Variants in CEP290 observed in about 807,000 individuals in gnomAD.
CEP290 encodes centrosomal protein 290.
CEP290 carries 317 observed loss-of-function variants against 344.9 expected under a neutral mutation model. The observed-to-expected ratio is 0.92, with a 90% CI of 0.84 to 1.01. The LOEUF (loss-of-function observed/expected upper bound fraction) is 1.01. Among genes scored for constraint, CEP290 ranks in the 50% least tolerant of loss-of-function variants. The probability of loss-of-function intolerance (pLI) is 0.00; values close to 1 mark genes in which losing one functional copy is unlikely to be tolerated. For missense variants in CEP290, 2,754 were observed against 2,761.4 expected (o/e 1.00, Z 0.06); for synonymous variants, 932 against 895.8 (o/e 1.04, Z -0.72).
At position 88,080,320 on chromosome 12, in the gene CEP290, C is replaced by A; in HGVS notation, c.5088G>T (p.Gln1696His). The change falls in exon 38 of 54, where the codon CAG becomes CAT. Residue 1696 changes from glutamine (Q) to histidine (H), a missense_variant. Gln to His is a conservative substitution (Grantham distance 24). Transcript: ENST00000552810. ...EVEDLKYLLD[Q>H]SQKESQCLKS... ...TTAAACACTGTGACTCCTTTTGTGA[C>A]TGGTCCAGAAGATACTTTAAATCCT... is the stretch of plus-strand genomic sequence containing the variant. 1 of 1,613,830 alleles carries A rather than the reference C, an allele frequency of 6.2e-7. No individual in the cohort carries two copies.
chr12:88,056,761 T>C lies in CEP290; in HGVS notation c.6819-1044A>G, dbSNP rs548497647. Among the ~76,000 whole-genome samples, 4 of 152,308 alleles carry C rather than the reference T, an allele frequency of 2.6e-5. No homozygotes were observed. The South Asian group carries it at 6.2e-4, about 24-fold the overall frequency. ...TGTTGAATAAATAATAAAGCAACTA[T>C]AAAGATGTCAGCATGAGCAAGACCT... On this transcript the variant is annotated intron_variant, in intron 49 of 53. Coordinates refer to ENST00000552810, the MANE Select transcript of CEP290 (RefSeq NM_025114.4).
At chr12:88,053,577 C>CAA in intron 52 of CEP290, 75 bp downstream of exon 52, 2 of 647,324 alleles carry the variant, frequency 3.1e-6, no homozygotes, top group Admixed American at 2.5e-5. Context: ...GAAATCTGAG[C>CAA]CAAAAAAAAA....
At position 88,089,015 on chromosome 12, in the gene CEP290, C is replaced by T. The variant is rs758453953; in HGVS notation, c.4029+17G>A. 2.1e-6 allele frequency: 3 copies of T among 1,461,308 alleles called. No homozygotes were observed. Among genetic ancestry groups the T allele is most frequent in the South Asian group, 3.0e-5 (2 of 66,142 alleles). The allele number at this position is 1,461,308 out of a possible 1,614,324, so 90.5% of individuals were successfully genotyped here. ...GATACTGTCTCTTAAAAAAAAAAAT[C>T]AAGTTTAAATGTTTACCTTTTGGGC... On this transcript the variant is annotated intron_variant, in intron 31 of 53. Transcript: ENST00000552810.
chr12:88,141,534 C>G (rs1338246431), intron 1 of CEP290, among the ~76,000 whole-genome samples, 200 bp from the exon 2 acceptor site: 1 of 151,958 alleles, frequency 6.6e-6, no homozygotes, highest in East Asian at 1.9e-4. Flanking sequence ...AGTGTCCCGG[C>G]TAAATAAAAT....
chr12:88,111,084 G>A (rs2038654353), intron 22 of CEP290, 118 bp downstream of exon 22: 1 of 548,748 alleles, frequency 1.8e-6, no homozygotes, highest in Non-Finnish European at 2.9e-6. Flanking sequence ...TGCATGCTTT[G>A]GTGATGGAAA....
intron 1 of CEP290, among the ~76,000 whole-genome samples, 158 bp from the exon 2 acceptor site, chr12:88,141,492 G>C (rs1592709282): frequency 6.7e-6 from 1 of 149,686 alleles, no homozygotes; most frequent in Non-Finnish European, 1.5e-5. Flanking sequence ...AAATAGCCTT[G>C]ATCAAAAATA....
rs2137213273 is a variant in CEP290 at position 88,086,135 on chromosome 12, C to A, written c.4341G>T (p.Leu1447Phe). Residue 1447 changes from leucine (L) to phenylalanine (F), a missense_variant, in exon 34 of 54, where the codon TTG becomes TTT. Leu to Phe is a conservative substitution (Grantham distance 22). Coordinates refer to ENST00000552810, the MANE Select transcript of CEP290 (RefSeq NM_025114.4). ...CGATCTCAAGTTGATTTGGAAGGGG[C>A]AAACTAGGGTCAGGGATTGATCCTG... ...EATGSIPDPSLPLPNQLEIAL... is the reference protein window; with the variant it reads ...EATGSIPDPSFPLPNQLEIAL... The A allele has an allele frequency of 6.2e-7, 1 of 1,613,080 alleles. No homozygotes were observed. The highest frequency in any genetic ancestry group is 2.2e-5 in the East Asian group (1 of 44,814).
chr12:88,049,546 G>A (rs2033274981), intron 53 of CEP290, 132 bp from the exon 54 acceptor site: 5 of 611,122 alleles, frequency 8.2e-6, no homozygotes, highest in Non-Finnish European at 1.4e-5. Context: ...AAAGGCAGAA[G>A]AATTAAGATT....
Position 88,079,197 on chromosome 12 carries a change from T to C in CEP290, c.5259A>G (p.Ala1753=). 1 of 1,598,786 alleles carries C rather than the reference T, an allele frequency of 6.3e-7. No individual in the cohort carries two copies. The part of the protein sequence containing the change: ...ALSRALLELR[A]EMTAAAEERI... ...GTTCTTCAGCAGCTGCTGTCATTTC[T>C]GCCCGGAGTTCTAAAAGTGCCCGAC... Residue 1753 remains alanine (A), a synonymous_variant, in exon 39 of 54, where the codon GCA becomes GCG. Coordinates refer to ENST00000552810, the MANE Select transcript of CEP290 (RefSeq NM_025114.4).
intron 11 of CEP290, among the ~76,000 whole-genome samples, chr12:88,127,287 A>G (rs908840547): frequency 6.6e-6 from 1 of 152,140 alleles, no homozygotes; most frequent in African/African-American, 2.4e-5. Context: ...CAGGGGTTCA[A>G]GACCAGCCTG....
chr12:88,058,822 G>A (rs747468034), intron 49 of CEP290, 26 bp downstream of exon 49: 1 of 1,606,342 alleles, frequency 6.2e-7, no homozygotes, highest in African/African-American at 1.3e-5. Flanking sequence ...ATTAAACTTT[G>A]TACAAGTTTA....
chr12:88,117,094 C>G lies in CEP290; in HGVS notation c.1763G>C (p.Arg588Thr). 1 of 1,561,194 alleles carries G rather than the reference C, an allele frequency of 6.4e-7. No homozygotes were observed. Among genetic ancestry groups the G allele is most frequent in the Non-Finnish European group, 8.7e-7 (1 of 1,149,936 alleles). ...NLTENISQGD[R>T]ISERKLDLLS... The stretch of plus-strand genomic sequence containing the variant: ...TAAATCCAATTTTCTTTCACTTATT[C>G]TATCTCCTTGAGAAATGTTTTCAGT... Residue 588 changes from arginine (R) to threonine (T), a missense_variant, in exon 18 of 54, where the codon AGA becomes ACA. Arg to Thr is a moderately conservative substitution (Grantham distance 71, BLOSUM62 -1). Transcript: ENST00000552810.
chr12:88,071,321 T>G lies in CEP290; in HGVS notation c.5984A>C (p.Asp1995Ala). 1 of 1,606,992 alleles carries G rather than the reference T, an allele frequency of 6.2e-7. No homozygotes were observed. The change falls in exon 43 of 54, where the codon GAC (aspartate) becomes GCC (alanine). Residue 1995 changes from aspartate to alanine, a missense_variant. Asp to Ala is a moderately radical substitution (Grantham distance 126). Transcript: ENST00000552810. The part of the protein sequence containing the change: ...ELEELKKRNL[D>A]LENDILYMRA... ...CATATACAATATATCATTTTCTAAG[T>G]CAAGATTTCTCTTTTTTAATTCTTC...
At position 88,131,193 on chromosome 12, in the gene CEP290, T is replaced by C. The variant is rs2138113947; in HGVS notation, c.467A>G (p.Glu156Gly). 6.6e-7 allele frequency: 1 copy of C among 1,521,604 alleles called. No homozygotes were observed. 94.3% of individuals were successfully genotyped at this position (1,521,604 alleles called of 1,614,324 possible). Residue 156 changes from glutamate to glycine, a missense_variant, in exon 7 of 54, where the codon GAA becomes GGA. Glu to Gly is a moderately conservative substitution (Grantham distance 98). Transcript: ENST00000552810. ...EQLALRNEEAENENSKLRREN... is the reference protein window; with the variant it reads ...EQLALRNEEAGNENSKLRREN... Reference sequence around the variant, plus strand: ...TCTTCTTAATTTGCTGTTTTCATTTTCTGCCTCCTCATTTCGAAGAGCCAA... The same window carrying C: ...TCTTCTTAATTTGCTGTTTTCATTTCCTGCCTCCTCATTTCGAAGAGCCAA...
In CEP290 at chr12:88,115,156, A is replaced by G. The variant is rs1391587607; in HGVS notation, c.1851T>C (p.Ile617=). 2 of 1,496,264 alleles carry G rather than the reference A, an allele frequency of 1.3e-6. No individual in the cohort carries two copies. The highest frequency in any genetic ancestry group is 9.1e-7 in the Non-Finnish European group (1 of 1,095,994). 92.7% of individuals were successfully genotyped at this position (1,496,264 alleles called of 1,614,324 possible). The change falls in exon 19 of 54, where the codon ATT becomes ATC. Residue 617 remains isoleucine (I), a synonymous_variant. Coordinates refer to ENST00000552810, the MANE Select transcript of CEP290 (RefSeq NM_025114.4). ...SKNEFLSREL[I]EKERDLERSR... is the part of the protein sequence containing the mutation. ...TCCTTTCTAAATCTCTTTCTTTTTCAATTAGTTCTCTTGAAAGAAATTCAT... is the reference window on the plus strand; with the variant it reads ...TCCTTTCTAAATCTCTTTCTTTTTCGATTAGTTCTCTTGAAAGAAATTCAT...
At chr12:88,052,475 T>C (rs1306616352) in intron 52 of CEP290, among the ~76,000 whole-genome samples, 1 of 152,184 alleles carries the variant, frequency 6.6e-6, no homozygotes, top group Non-Finnish European at 1.5e-5. Context: ...GAAATGTGTA[T>C]AGTATTAGTT....
chr12:88,139,555 G>T lies in CEP290; in HGVS notation c.190C>A (p.Gln64Lys). ...TCTTCCAAAGCCAGCTCCACTTCTTGAGCTTTCATCTAAACATTAAAAAAA... is the reference window on the plus strand; with the variant it reads ...TCTTCCAAAGCCAGCTCCACTTCTTTAGCTTTCATCTAAACATTAAAAAAA... The part of the protein sequence containing the change: ...ITQSLMKMKA[Q>K]EVELALEEVE... Residue 64 changes from glutamine to lysine, a missense_variant, in exon 4 of 54, where the codon CAA becomes AAA. Physicochemically the swap from Gln to Lys is moderately conservative, Grantham distance 53. Transcript: ENST00000552810. 4 of 1,575,940 alleles carry T rather than the reference G, an allele frequency of 2.5e-6. No individual in the cohort carries two copies. The highest frequency in any genetic ancestry group is 1.2e-5 in the South Asian group (1 of 83,242).
intron 41 of CEP290, among the ~76,000 whole-genome samples, chr12:88,076,876 T>A (rs2035817572): frequency 6.6e-6 from 1 of 152,074 alleles, no homozygotes; most frequent in Admixed American, 6.6e-5. Context: ...AGCACCAACC[T>A]GTGTAAATGA....
chr12:88,111,737 T>G lies in CEP290; in HGVS notation c.2174A>C (p.Glu725Ala), dbSNP rs375038986. The change falls in exon 21 of 54, where the codon GAG becomes GCG. Residue 725 changes from glutamate to alanine, a missense_variant. Physicochemically the swap from Glu to Ala is moderately radical, Grantham distance 107. Coordinates refer to ENST00000552810, the MANE Select transcript of CEP290 (RefSeq NM_025114.4). ...LRQELRESRK[E>A]AINYSQQLAK... Reference sequence around the variant, plus strand: ...CAACTGCTGTGAATAATTTATAGCCTCTTTCCGAGATTCCCTGAGCTCCTG... The same window carrying G: ...CAACTGCTGTGAATAATTTATAGCCGCTTTCCGAGATTCCCTGAGCTCCTG... 96 of 1,603,130 alleles carry G rather than the reference T, an allele frequency of 6.0e-5. No individual in the cohort carries two copies. The East Asian group carries it at 1.8e-3, about 30-fold the overall frequency.
Sources: allele counts gnomAD v4.1 joint callset (sites outside exome capture counted in the v4.1 genomes callset), GRCh38; gene constraint gnomAD v4.1.1; transcripts MANE v1.5; gene names NCBI Gene and HGNC (gene_info 2026-07-23, HGNC 2026-07-21).